DCDC2: variants seen among roughly 807,000 people sequenced by gnomAD.
DCDC2 encodes the protein doublecortin domain-containing protein 2.
In DCDC2, 40 loss-of-function variants were observed where a neutral mutation model predicts 50.2. That is an observed-to-expected ratio of 0.80 (90% confidence interval 0.62 to 1.04). DCDC2 has a LOEUF of 1.04. Among genes scored for constraint, DCDC2 ranks in the 50% least tolerant of loss-of-function variants. The pLI, the probability that DCDC2 is intolerant of heterozygous loss-of-function variation, is 0.00. For missense variants in DCDC2, 570 were observed against 581.9 expected (o/e 0.98, Z 0.21); for synonymous variants, 234 against 210.6 (o/e 1.11, Z -0.96).
chr6:24,287,302 C>T (rs965040430), intron 6 of DCDC2, among the ~76,000 whole-genome samples: 1 of 152,188 alleles, frequency 6.6e-6, no homozygotes, highest in Non-Finnish European at 1.5e-5. Flanking sequence ...TCCCCTCCTC[C>T]CCTGCCATTT....
rs1321020683 is a variant in DCDC2 at position 24,206,855 on chromosome 6, CT to C, written c.923-1754del. On this transcript the variant is annotated intron_variant, in intron 7 of 9. Transcript: ENST00000378454. ...CAGTGACACAAAGAGAATATAAATA[CT>C]TTTTTTAAATGGTTGCCTCAGGTGT... Among the ~76,000 whole-genome samples, 4 of 152,216 alleles carry C rather than the reference CT, an allele frequency of 2.6e-5. No individual in the cohort carries two copies. The East Asian group carries it at 5.8e-4, about 22-fold the overall frequency.
chr6:24,236,924 G>A (rs918971670), intron 7 of DCDC2, among the ~76,000 whole-genome samples: 8 of 151,956 alleles, frequency 5.3e-5, no homozygotes, highest in Non-Finnish European at 5.9e-5. Context: ...CATGAGAATC[G>A]CTTGAATCTG....
rs1225383189 is a variant in DCDC2, at chr6:24,263,760, C to T, written c.922+14289G>A. 1.3e-5 allele frequency among the ~76,000 whole-genome samples: 2 copies of T among 152,038 alleles called. 1 individual carries two copies. ...AGACAATAGCCGCTAAAGGGCAAATCTAAGAGTTATTGGCCTTAAAGAAGA... is the reference window on the plus strand; with the variant it reads ...AGACAATAGCCGCTAAAGGGCAAATTTAAGAGTTATTGGCCTTAAAGAAGA... On this transcript the variant is annotated intron_variant, in intron 7 of 9. Transcript: ENST00000378454.
chr6:24,221,716 T>C (rs900549926), intron 7 of DCDC2, among the ~76,000 whole-genome samples: 14 of 152,206 alleles, frequency 9.2e-5, no homozygotes, highest in Admixed American at 7.9e-4. Flanking sequence ...AAGTGGATAT[T>C]TTTAGCCTAC....
At chr6:24,340,439 T>TA (rs1434285173) in intron 2 of DCDC2, among the ~76,000 whole-genome samples, 2 of 152,218 alleles carry the variant, frequency 1.3e-5, no homozygotes, top group Non-Finnish European at 2.9e-5. Flanking sequence ...AATTAAATAT[T>TA]AGTCAGTTGA....
Position 24,174,577 on chromosome 6 carries a change from C to A in DCDC2, c.*153G>T. ...TCCTTTAGTAGCCATTTAAAGTTATCTGGTCTTTCCACTAGGCTTCTAATG... is the reference window on the plus strand; with the variant it reads ...TCCTTTAGTAGCCATTTAAAGTTATATGGTCTTTCCACTAGGCTTCTAATG... On this transcript the variant is annotated 3_prime_UTR_variant, in exon 10 of 10. Coordinates refer to ENST00000378454, the MANE Select transcript of DCDC2 (RefSeq NM_016356.5). The A allele has an allele frequency of 2.1e-6, 1 of 479,484 alleles. No homozygotes were observed. The highest frequency in any genetic ancestry group is 3.7e-6 in the Non-Finnish European group (1 of 271,682). The allele number at this position is 479,484 out of a possible 1,614,324, so 29.7% of individuals were successfully genotyped here.
the DCDC2 span, among the ~76,000 whole-genome samples, chr6:24,377,368 A>G: frequency 1.3e-5 from 2 of 152,202 alleles, no homozygotes; most frequent in African/African-American, 2.4e-5. Flanking sequence ...AGAAATTAAG[A>G]AAAAAAGCTG....
At chr6:24,331,932 T>C (rs1759972296) in intron 2 of DCDC2, among the ~76,000 whole-genome samples, 1 of 152,214 alleles carries the variant, frequency 6.6e-6, no homozygotes, top group Admixed American at 6.5e-5. Context: ...CAACTATTTT[T>C]TAAGTGTATT....
chr6:24,311,016 C>T (rs1387177176), intron 2 of DCDC2, among the ~76,000 whole-genome samples: 1 of 152,168 alleles, frequency 6.6e-6, no homozygotes, highest in Non-Finnish European at 1.5e-5. Context: ...AGCATCTTTC[C>T]TCTCTCATCC....
chr6:24,215,774 G>C (rs1401293229), intron 7 of DCDC2, among the ~76,000 whole-genome samples: 2 of 152,212 alleles, frequency 1.3e-5, no homozygotes. Context: ...CCGGCTGAGG[G>C]GGCGGCACTG....
chr6:24,302,535 A>G (rs150626354), intron 2 of DCDC2, among the ~76,000 whole-genome samples: 2,046 of 151,966 alleles, frequency 0.013, 27 homozygotes, highest in Non-Finnish European at 0.018. Flanking sequence ...TGACACAAGC[A>G]ATTTTTCCCA....
chr6:24,230,856 C>A (rs753705957), intron 7 of DCDC2, among the ~76,000 whole-genome samples: 2 of 152,194 alleles, frequency 1.3e-5, no homozygotes, highest in Non-Finnish European at 2.9e-5. Flanking sequence ...AGCTCCTTAT[C>A]CTTTTAAAAA....
intron 5 of DCDC2, among the ~76,000 whole-genome samples, chr6:24,290,254 G>A (rs59166901): frequency 0.17 from 26,388 of 151,606 alleles, 2,246 homozygotes; most frequent in African/African-American, 0.18. Flanking sequence ...CGGCCTCCCA[G>A]AGTGCTGGGA....
chr6:24,366,427 G>T, the DCDC2 span, among the ~76,000 whole-genome samples: 1 of 152,286 alleles, frequency 6.6e-6, no homozygotes, highest in South Asian at 2.1e-4. Flanking sequence ...CCCCTATAAA[G>T]TAGCAAGTTT....
chr6:24,204,957 A>C (rs747657761), intron 8 of DCDC2, 45 bp downstream of exon 8: 15 of 1,559,028 alleles, frequency 9.6e-6, no homozygotes, highest in Admixed American at 1.9e-5. Flanking sequence ...TGGAAAAAAA[A>C]CACTATAATT....
intron 8 of DCDC2, among the ~76,000 whole-genome samples, chr6:24,196,641 C>T (rs924205461): frequency 6.6e-6 from 1 of 152,136 alleles, no homozygotes; most frequent in Non-Finnish European, 1.5e-5. Flanking sequence ...AGGCTGGTCT[C>T]GAACACTCCT....
intron 2 of DCDC2, among the ~76,000 whole-genome samples, chr6:24,340,981 C>T (rs1760143305): frequency 6.6e-6 from 1 of 152,220 alleles, no homozygotes; most frequent in Non-Finnish European, 1.5e-5. Flanking sequence ...CTGCCTTGGC[C>T]TCCCAAAGTG....
At chr6:24,249,563 A>T (rs1397871639) in intron 7 of DCDC2, among the ~76,000 whole-genome samples, 1 of 152,214 alleles carries the variant, frequency 6.6e-6, no homozygotes, top group East Asian at 1.9e-4. Context: ...GCCTATATTT[A>T]GGTTTCTATC....
At chr6:24,189,593 C>T (rs184034834) in intron 8 of DCDC2, among the ~76,000 whole-genome samples, 10 of 152,182 alleles carry the variant, frequency 6.6e-5, no homozygotes, top group Non-Finnish European at 1.5e-5. Context: ...ATCAGAATTC[C>T]TGAGGGATAT....
Sources: allele counts gnomAD v4.1 joint callset (sites outside exome capture counted in the v4.1 genomes callset), GRCh38; gene constraint gnomAD v4.1.1; transcripts MANE v1.5; gene names NCBI Gene and HGNC (gene_info 2026-07-23, HGNC 2026-07-21).